IL1RAPL1: variants seen among roughly 807,000 people sequenced by gnomAD.
IL1RAPL1 encodes the protein interleukin-1 receptor accessory protein-like 1.
Under a neutral mutation model 48.4 loss-of-function variants are expected in IL1RAPL1, and 3 were observed. The observed-to-expected ratio is 0.06, with a 90% CI of 0.03 to 0.16. IL1RAPL1 has a LOEUF of 0.16. Ranked by LOEUF, IL1RAPL1 falls within the 10% of genes least tolerant of loss-of-function variation. The probability of loss-of-function intolerance (pLI) is 1.00; values close to 1 mark genes in which losing one functional copy is unlikely to be tolerated. For synonymous variants in IL1RAPL1, 185 were observed against 187.7 expected (o/e 0.99, Z 0.12); for missense variants, 349 against 530.6 (o/e 0.66, Z 3.36).
chrX:29,291,024 T>C (rs1431068287), intron 3 of IL1RAPL1, among the ~76,000 whole-genome samples: 1 of 111,600 alleles, frequency 9.0e-6, no homozygotes, highest in Non-Finnish European at 1.9e-5. Flanking sequence ...CAAAGTATAG[T>C]GACCCCATTC....
intron 1 of IL1RAPL1, among the ~76,000 whole-genome samples, chrX:28,625,553 A>G (rs1275949593): frequency 8.9e-6 from 1 of 112,050 alleles, no homozygotes; most frequent in Non-Finnish European, 1.9e-5. Context: ...GTTCTTCGGA[A>G]GCAATCCCTC....
intron 1 of IL1RAPL1, among the ~76,000 whole-genome samples, chrX:28,716,584 A>G (rs1369203189): frequency 1.8e-5 from 2 of 111,655 alleles, no homozygotes; most frequent in Non-Finnish European, 3.8e-5. Flanking sequence ...CTGGAAGACA[A>G]CCTAGGCAAT....
intron 3 of IL1RAPL1, among the ~76,000 whole-genome samples, chrX:29,342,385 C>T (rs1390061572): frequency 9.0e-6 from 1 of 111,577 alleles, no homozygotes; most frequent in African/African-American, 3.3e-5. Flanking sequence ...GAAGGAAAGA[C>T]AGTAAACAGA....
At chrX:29,810,389 C>G (rs779245172) in intron 6 of IL1RAPL1, among the ~76,000 whole-genome samples, 1 of 110,326 alleles carries the variant, frequency 9.1e-6, no homozygotes, top group East Asian at 2.9e-4. Context: ...CGGGGTTTCA[C>G]CATGTTGGCC....
chrX:29,241,107 A>C (rs961782792), intron 2 of IL1RAPL1, among the ~76,000 whole-genome samples: 4 of 112,300 alleles, frequency 3.6e-5, no homozygotes, highest in Admixed American at 2.8e-4. Flanking sequence ...AACATTTTAC[A>C]TTTTGGGGTT....
At chrX:29,311,851 T>C (rs1053193986) in intron 3 of IL1RAPL1, among the ~76,000 whole-genome samples, 3 of 111,872 alleles carry the variant, frequency 2.7e-5, no homozygotes, top group African/African-American at 9.7e-5. Flanking sequence ...AGGAATAAGA[T>C]GTTTAAGGCC....
At chrX:29,641,916 T>C (rs1925181154) in intron 5 of IL1RAPL1, among the ~76,000 whole-genome samples, 1 of 112,441 alleles carries the variant, frequency 8.9e-6, no homozygotes, top group Non-Finnish European at 1.9e-5. Flanking sequence ...TTCTGGAAAC[T>C]GAGATTGTGA....
At chrX:29,431,105 C>T (rs1474512195) in intron 5 of IL1RAPL1, among the ~76,000 whole-genome samples, 1 of 111,651 alleles carries the variant, frequency 9.0e-6, no homozygotes, top group East Asian at 2.8e-4. Context: ...TGCAGTTTTT[C>T]TGCTGCCTTC....
intron 2 of IL1RAPL1, among the ~76,000 whole-genome samples, chrX:28,914,934 G>A (rs1243048048): frequency 8.9e-6 from 1 of 112,113 alleles, no homozygotes. Flanking sequence ...TGAAAATCCA[G>A]GTTTTACAGT....
intron 5 of IL1RAPL1, among the ~76,000 whole-genome samples, chrX:29,488,575 A>G (rs763805683): frequency 8.9e-6 from 1 of 112,339 alleles, no homozygotes; most frequent in East Asian, 2.8e-4. Flanking sequence ...CTCACCACAA[A>G]CATAACTATG....
chrX:29,632,977 C>G (rs1288222075), intron 5 of IL1RAPL1, among the ~76,000 whole-genome samples: 2 of 111,783 alleles, frequency 1.8e-5, no homozygotes, highest in African/African-American at 3.3e-5. Context: ...CTGTCAGTAT[C>G]TAATAAGGTT....
intron 5 of IL1RAPL1, among the ~76,000 whole-genome samples, chrX:29,572,487 G>A (rs1482015032): frequency 1.8e-5 from 2 of 112,210 alleles, no homozygotes; most frequent in Non-Finnish European, 3.8e-5. Context: ...CCTAAGAATT[G>A]TTGGCATTTT....
intron 6 of IL1RAPL1, among the ~76,000 whole-genome samples, chrX:29,906,980 A>G (rs1932646345): frequency 9.0e-6 from 1 of 111,466 alleles, no homozygotes; most frequent in Non-Finnish European, 1.9e-5. Context: ...GACATTGTAG[A>G]ATATATGGGA....
chrX:29,839,455 G>A (rs752273121), intron 6 of IL1RAPL1, among the ~76,000 whole-genome samples: 7 of 112,334 alleles, frequency 6.2e-5, no homozygotes, highest in Admixed American at 1.9e-4. Flanking sequence ...TCAGTTATCC[G>A]GCTAGTGAGG....
intron 4 of IL1RAPL1, among the ~76,000 whole-genome samples, chrX:29,397,664 C>G (rs777047748): frequency 4.5e-5 from 5 of 111,023 alleles, no homozygotes; most frequent in Non-Finnish European, 9.4e-5. Flanking sequence ...TGTGGTTTGT[C>G]TGACTTCCAC....
At chrX:29,791,484 C>T (rs1344241423) in intron 6 of IL1RAPL1, among the ~76,000 whole-genome samples, 4 of 100,880 alleles carry the variant, frequency 4.0e-5, no homozygotes, top group East Asian at 3.1e-4. Context: ...AGTGCAATGG[C>T]GTGATCTCGG....
At chrX:29,579,045 T>G (rs985249343) in intron 5 of IL1RAPL1, among the ~76,000 whole-genome samples, 1 of 111,536 alleles carries the variant, frequency 9.0e-6, no homozygotes, top group Non-Finnish European at 1.9e-5. Context: ...CTGAGCCATG[T>G]GTCCCTCATT....
At chrX:29,112,583 A>G (rs753553412) in intron 2 of IL1RAPL1, among the ~76,000 whole-genome samples, 30 of 109,033 alleles carry the variant, frequency 2.8e-4, no homozygotes, top group Non-Finnish European at 5.1e-4. Flanking sequence ...CACATGTATT[A>G]GAATAGAACC....
intron 5 of IL1RAPL1, among the ~76,000 whole-genome samples, chrX:29,569,857 G>A (rs921986997): frequency 1.2e-4 from 13 of 111,845 alleles, no homozygotes; most frequent in African/African-American, 3.9e-4. Context: ...AAATAACACT[G>A]CCTGGTTTTT....
Sources: allele counts gnomAD v4.1 joint callset (sites outside exome capture counted in the v4.1 genomes callset), GRCh38; gene constraint gnomAD v4.1.1; transcripts MANE v1.5; gene names NCBI Gene and HGNC (gene_info 2026-07-23, HGNC 2026-07-21).